The following HYCC2 variants were observed in gnomAD, a reference collection of about 807,000 sequenced individuals.
The protein encoded by HYCC2 is hyccin 2.
the HYCC2 span, among the ~76,000 whole-genome samples, chr2:201,043,633 C>A: frequency 6.6e-6 from 1 of 151,394 alleles, no homozygotes. Context: ...CTCAGCCTCC[C>A]GAGTACCTGG....
chr2:200,992,753 C>T, the HYCC2 span: 3 of 626,078 alleles, frequency 4.8e-6, no homozygotes, highest in Non-Finnish European at 8.3e-6. Context: ...AAAAGGAAAC[C>T]ATATTAGAAA....
At chr2:201,000,818 C>T in the HYCC2 span, among the ~76,000 whole-genome samples, 2 of 151,562 alleles carry the variant, frequency 1.3e-5, no homozygotes, top group South Asian at 4.1e-4. Context: ...ACTTAATCAT[C>T]GATATGGTGG....
At chr2:201,042,777 T>C in the HYCC2 span, among the ~76,000 whole-genome samples, 1 of 143,310 alleles carries the variant, frequency 7.0e-6, no homozygotes, top group South Asian at 2.3e-4. Flanking sequence ...GTCTGGGAGG[T>C]GGGGGGCGCC....
the HYCC2 span, chr2:201,016,915 T>G: frequency 6.9e-7 from 1 of 1,454,394 alleles, no homozygotes; most frequent in Non-Finnish European, 9.4e-7. Context: ...TATTTTTCTC[T>G]AAACATTCCT....
the HYCC2 span, chr2:201,022,040 CTGGT>C: frequency 7.8e-7 from 1 of 1,284,190 alleles, no homozygotes; most frequent in Admixed American, 2.3e-5. Flanking sequence ...AGTTAAGCTG[CTGGT>C]TAGGAGAGGA....
the HYCC2 span, chr2:201,062,951 A>ACTG: frequency 1.9e-5 from 20 of 1,038,858 alleles, no homozygotes; most frequent in Admixed American, 6.0e-5. Context: ...AACAACTACT[A>ACTG]CTGCTGCTGC....
the HYCC2 span, chr2:201,063,073 T>C: frequency 6.2e-7 from 1 of 1,608,668 alleles, no homozygotes; most frequent in East Asian, 2.2e-5. Flanking sequence ...TTAAAGTCTC[T>C]CTTCACCCTG....
At chr2:201,018,459 C>T in the HYCC2 span, among the ~76,000 whole-genome samples, 1 of 151,982 alleles carries the variant, frequency 6.6e-6, no homozygotes, top group East Asian at 1.9e-4. Flanking sequence ...TAGTTACATA[C>T]ATCTGTAATA....
chr2:200,981,804 T>C, the HYCC2 span: 1 of 1,614,134 alleles, frequency 6.2e-7, no homozygotes, highest in Non-Finnish European at 8.5e-7. The surrounding 1 kb of genome is among the most constrained non-coding windows in gnomAD (Gnocchi z 4.5). Flanking sequence ...GGGAAGCCCC[T>C]GATGAAAATC....
the HYCC2 span, among the ~76,000 whole-genome samples, chr2:201,056,200 A>T: frequency 3.5e-5 from 5 of 144,700 alleles, no homozygotes; most frequent in East Asian, 7.7e-4. Context: ...TCTCAAAAAA[A>T]AAAATAAATA....
chr2:200,978,504 C>A, the HYCC2 span: 1 of 109,094 alleles, frequency 9.2e-6, no homozygotes, highest in African/African-American at 3.5e-5. Context: ...GAGATGGAGT[C>A]TTGCACTGTT....
chr2:201,034,253 AAAAG>A, the HYCC2 span, among the ~76,000 whole-genome samples: 1 of 152,230 alleles, frequency 6.6e-6, no homozygotes, highest in Middle Eastern at 3.2e-3. Flanking sequence ...TATTTTATGA[AAAAG>A]AAAACAAAAA....
the HYCC2 span, chr2:201,062,973 C>T: frequency 8.2e-7 from 1 of 1,218,896 alleles, no homozygotes; most frequent in Non-Finnish European, 1.2e-6. Flanking sequence ...GCTGCTATTA[C>T]TATTAATAGC....
chr2:201,034,159 A>G, the HYCC2 span, among the ~76,000 whole-genome samples: 1 of 151,008 alleles, frequency 6.6e-6, no homozygotes, highest in South Asian at 2.1e-4. Context: ...TTATAATCAT[A>G]ACACATATTT....
At chr2:200,977,835 G>C in the HYCC2 span, 1 of 152,186 alleles carries the variant, frequency 6.6e-6, no homozygotes, top group Non-Finnish European at 1.5e-5. Flanking sequence ...CTAGAGGACA[G>C]AGTGAGACCC....
chr2:200,974,671 A>C, the HYCC2 span: 1 of 151,910 alleles, frequency 6.6e-6, no homozygotes, highest in Non-Finnish European at 1.5e-5. Context: ...TTACTTTTCA[A>C]CTACTCCCTG....
the HYCC2 span, among the ~76,000 whole-genome samples, chr2:201,052,781 G>C: frequency 6.6e-6 from 1 of 152,180 alleles, no homozygotes; most frequent in Non-Finnish European, 1.5e-5. Context: ...AGTTAAGGAG[G>C]CAGAGCTAAG....
chr2:201,064,994 A>G, the HYCC2 span, among the ~76,000 whole-genome samples: 1 of 152,190 alleles, frequency 6.6e-6, no homozygotes, highest in Non-Finnish European at 1.5e-5. Context: ...CAGTTTTACA[A>G]GCACTCATGT....
chr2:201,029,578 A>G, the HYCC2 span, among the ~76,000 whole-genome samples: 1 of 152,224 alleles, frequency 6.6e-6, no homozygotes, highest in Non-Finnish European at 1.5e-5. Context: ...GCACATATAT[A>G]CCATGGAATA....
Sources: gnomAD v4.1 joint callset for allele counts (sites outside exome capture counted in the v4.1 genomes callset) on GRCh38, gnomAD v4.1.1 for gene constraint, Gnocchi (gnomAD v3.1) non-coding constraint, MANE v1.5 for transcripts, NCBI Gene and HGNC (gene_info 2026-07-23, HGNC 2026-07-21) for gene names.